The following MAPK14 variants were observed in gnomAD, a reference collection of about 807,000 sequenced individuals.
The protein encoded by MAPK14 is mitogen-activated protein kinase 14.
A neutral mutation model predicts 49.6 loss-of-function variants in MAPK14; 16 were observed. That is an observed-to-expected ratio of 0.32 (90% confidence interval 0.22 to 0.49). The LOEUF is 0.49. Among genes scored for constraint, MAPK14 ranks in the 20% least tolerant of loss-of-function variants. The pLI is 0.99. For synonymous variants in MAPK14, 142 were observed against 158.0 expected (o/e 0.90, Z 0.76); for missense variants, 200 against 441.2 (o/e 0.45, Z 4.90).
At chr6:36,123,467 G>A in the MAPK14 span, among the ~76,000 whole-genome samples, 1 of 152,198 alleles carries the variant, frequency 6.6e-6, no homozygotes, top group Non-Finnish European at 1.5e-5. Flanking sequence ...ATCCCACCCT[G>A]TGGTAGGCTA....
chr6:36,038,293 G>T (rs1454130543), intron 1 of MAPK14, among the ~76,000 whole-genome samples: 1 of 152,182 alleles, frequency 6.6e-6, no homozygotes, highest in East Asian at 1.9e-4. Flanking sequence ...GTGTGCAAAA[G>T]CCCTGAGGTA....
chr6:36,072,160 C>A (rs977752280), intron 3 of MAPK14, among the ~76,000 whole-genome samples: 1 of 151,966 alleles, frequency 6.6e-6, no homozygotes, highest in Non-Finnish European at 1.5e-5. Context: ...CATAGTGAGA[C>A]CCCATCTCTA....
chr6:36,052,718 A>G lies in MAPK14; in HGVS notation c.136A>G (p.Thr46Ala). 6.2e-7 allele frequency: 1 copy of G among 1,608,306 alleles called. No individual in the cohort carries two copies. The highest frequency in any genetic ancestry group is 1.1e-5 in the South Asian group (1 of 89,894). The part of the protein sequence containing the change: ...GSVCAAFDTK[T>A]GLRVAVKKLS... Reference sequence around the variant, plus strand: ...CCTTAGTGCTGCTTTTGACACAAAAACGGGGTTACGTGTGGCAGTGAAGAA... The same window carrying G: ...CCTTAGTGCTGCTTTTGACACAAAAGCGGGGTTACGTGTGGCAGTGAAGAA... Residue 46 changes from threonine (T) to alanine (A), a missense_variant, in exon 2 of 12, where the codon ACG becomes GCG. Thr to Ala is a moderately conservative substitution (Grantham distance 58). Around this residue, in one of 2 missense-constraint regions of MAPK14, gnomAD observed 170 missense variants for 407.0 expected, o/e 0.42. Coordinates refer to ENST00000229794, the MANE Select transcript of MAPK14 (RefSeq NM_139012.3).
chr6:36,089,054 G>A (rs1216472077), intron 8 of MAPK14, among the ~76,000 whole-genome samples: 1 of 152,146 alleles, frequency 6.6e-6, no homozygotes, highest in Non-Finnish European at 1.5e-5. Context: ...CCATTACTGG[G>A]TATATACCCA....
At chr6:36,122,685 C>T in the MAPK14 span, among the ~76,000 whole-genome samples, 2 of 152,154 alleles carry the variant, frequency 1.3e-5, no homozygotes, top group South Asian at 4.1e-4. Context: ...AGGGGGACCT[C>T]GGAGGAGGTG....
intron 3 of MAPK14, among the ~76,000 whole-genome samples, chr6:36,072,545 T>C (rs1581788570): frequency 6.6e-6 from 1 of 151,954 alleles, no homozygotes; most frequent in East Asian, 1.9e-4. Flanking sequence ...GGCGGGGGGA[T>C]CATGAGGTCA....
chr6:36,092,769 G>A (rs145894957), intron 8 of MAPK14: 86 of 248,028 alleles, frequency 3.5e-4, no homozygotes, highest in African/African-American at 1.9e-3. Flanking sequence ...CCGGTGTCAC[G>A]ACTCAAGACA....
rs529797831 is a variant in MAPK14, at chr6:36,094,859, G to A, written c.683-1128G>A. Among the ~76,000 whole-genome samples the A allele has an allele frequency of 5.9e-5, 9 of 152,240 alleles. No individual in the cohort carries two copies. The East Asian group carries it at 1.5e-3, about 26-fold the overall frequency. On this transcript the variant is annotated intron_variant, in intron 8 of 11. Coordinates refer to ENST00000229794, the MANE Select transcript of MAPK14 (RefSeq NM_139012.3). Reference sequence around the variant, plus strand: ...CAAGCATGGTGCTGAGAGAGAATTGGGGGGTGGGGTGTTATGTATATAGAG... The same window carrying A: ...CAAGCATGGTGCTGAGAGAGAATTGAGGGGTGGGGTGTTATGTATATAGAG...
chr6:36,120,684 A>G, the MAPK14 span, among the ~76,000 whole-genome samples: 1 of 152,202 alleles, frequency 6.6e-6, no homozygotes, highest in East Asian at 1.9e-4. Context: ...CTTTGGCAGC[A>G]TTGCCAAATG....
At chr6:36,076,824 T>C (rs1308460499) in intron 8 of MAPK14, 2 of 433,300 alleles carry the variant, frequency 4.6e-6, no homozygotes, top group Non-Finnish European at 4.1e-6. Context: ...CCTCATAAGT[T>C]GAAAAACCCA....
chr6:36,054,007 T>TTTTTTGTTTTTTTTTTTTTTGAG (rs1562112084), intron 2 of MAPK14, among the ~76,000 whole-genome samples: 3 of 151,888 alleles, frequency 2.0e-5, no homozygotes, highest in African/African-American at 7.3e-5. Flanking sequence ...ACCAGAGTTT[T>TTTTTTGTTTTTTTTTTTTTTGAG]AAGAATGTTC....
intron 1 of MAPK14, among the ~76,000 whole-genome samples, chr6:36,046,579 G>A (rs544234103): frequency 3.4e-4 from 51 of 152,202 alleles, no homozygotes; most frequent in Non-Finnish European, 1.3e-4. Context: ...AGATTATATA[G>A]CTATTAAGTG....
At chr6:36,035,393 C>T (rs1411008189) in intron 1 of MAPK14, among the ~76,000 whole-genome samples, 2 of 152,226 alleles carry the variant, frequency 1.3e-5, no homozygotes, top group South Asian at 2.1e-4. Flanking sequence ...TCTGACTGCT[C>T]TGCCAACCAG....
chr6:36,056,695 A>G lies in MAPK14; in HGVS notation c.247-2594A>G, dbSNP rs1581761321. 3.3e-5 allele frequency among the ~76,000 whole-genome samples: 5 copies of G among 152,222 alleles called. No homozygotes were observed. In the South Asian group the frequency reaches 6.2e-4, roughly 19 times the overall value. The stretch of plus-strand genomic sequence containing the variant: ...TCTCTAATGATTTAGTTTTATTTCC[A>G]TAGGAGGATTTTCACAATCACAATG... On this transcript the variant is annotated intron_variant, in intron 2 of 11. Coordinates refer to ENST00000229794, the MANE Select transcript of MAPK14 (RefSeq NM_139012.3).
At chr6:36,041,724 C>G (rs886769385) in intron 1 of MAPK14, among the ~76,000 whole-genome samples, 2 of 152,062 alleles carry the variant, frequency 1.3e-5, no homozygotes, top group Non-Finnish European at 2.9e-5. Flanking sequence ...TTCAATAACT[C>G]TAGGTATTAA....
At chr6:36,068,735 C>A (rs73730437) in intron 3 of MAPK14, among the ~76,000 whole-genome samples, 2 of 151,608 alleles carry the variant, frequency 1.3e-5, no homozygotes, top group Non-Finnish European at 2.9e-5. Flanking sequence ...AGGAAGAGGG[C>A]GGGGGCAGTG....
chr6:36,092,958 T>C (rs888658425), intron 8 of MAPK14, among the ~76,000 whole-genome samples: 3 of 152,148 alleles, frequency 2.0e-5, no homozygotes, highest in African/African-American at 7.2e-5. Context: ...CTGTCTCTGA[T>C]TATAAAATAA....
chr6:36,057,352 C>A (rs991578788), intron 2 of MAPK14, among the ~76,000 whole-genome samples: 2 of 152,152 alleles, frequency 1.3e-5, no homozygotes, highest in Non-Finnish European at 2.9e-5. Flanking sequence ...GGAAATATAT[C>A]TCAAAATGTT....
intron 8 of MAPK14, among the ~76,000 whole-genome samples, chr6:36,085,121 G>C (rs117511651): frequency 2.0e-5 from 3 of 152,200 alleles, no homozygotes; most frequent in African/African-American, 7.2e-5. Context: ...AGCAAATGCT[G>C]AGGGAATTCG....
Sources: gnomAD v4.1 joint callset for allele counts (sites outside exome capture counted in the v4.1 genomes callset) on GRCh38, gnomAD v4.1.1 for gene constraint, gnomAD v4.1.1 regional missense constraint, MANE v1.5 for transcripts, NCBI Gene and HGNC (gene_info 2026-07-23, HGNC 2026-07-21) for gene names.